MYH16: variants seen among roughly 807,000 people sequenced by gnomAD.
MYH16 encodes the protein myosin heavy chain 16.
chr7:99,309,615 A>G (rs1792731174), downstream of MYH16, among the ~76,000 whole-genome samples: 1 of 152,220 alleles, frequency 6.6e-6, no homozygotes, highest in Non-Finnish European at 1.5e-5. Context: ...GGAACTACTC[A>G]TGAGGCTTCC....
At chr7:99,305,188 C>T (rs543028364) in intron 40 of MYH16, among the ~76,000 whole-genome samples, 44 of 149,444 alleles carry the variant, frequency 2.9e-4, no homozygotes, top group Non-Finnish European at 5.8e-4. Context: ...GACCCTGTCT[C>T]AGAAAAAAAG....
chr7:99,261,103 A>G (rs1791933553), intron 12 of MYH16: 1 of 150,952 alleles, frequency 6.6e-6, no homozygotes, highest in Admixed American at 6.6e-5. Flanking sequence ...AAAAGCAGAG[A>G]GCACAGGTGG....
chr7:99,250,782 C>T (rs940802748), intron 5 of MYH16, among the ~76,000 whole-genome samples: 6 of 151,962 alleles, frequency 3.9e-5, no homozygotes, highest in African/African-American at 1.4e-4. Flanking sequence ...TTTCAGACTG[C>T]TCAGGGGGCT....
At chr7:99,256,923 C>T (rs1791879143) in intron 9 of MYH16, among the ~76,000 whole-genome samples, 1 of 152,014 alleles carries the variant, frequency 6.6e-6, no homozygotes, top group South Asian at 2.1e-4. Flanking sequence ...TGCACTCTAC[C>T]CTGGGCAAAA....
chr7:99,303,400 C>T (rs1792634075), intron 39 of MYH16, among the ~76,000 whole-genome samples: 1 of 152,260 alleles, frequency 6.6e-6, no homozygotes, highest in African/African-American at 2.4e-5. Context: ...GAATTACAAG[C>T]TCTAGGTGAT....
intron 19 of MYH16, among the ~76,000 whole-genome samples, chr7:99,272,311 A>G (rs765683557): frequency 2.6e-5 from 4 of 152,156 alleles, no homozygotes; most frequent in African/African-American, 4.8e-5. Flanking sequence ...AGATGTGGAA[A>G]CTGAGGTCTG....
chr7:99,305,362 T>C (rs1015992773), intron 40 of MYH16, among the ~76,000 whole-genome samples: 3 of 152,128 alleles, frequency 2.0e-5, no homozygotes, highest in African/African-American at 7.2e-5. Flanking sequence ...CCCAATATTC[T>C]CCTTGCCTTT....
chr7:99,276,644 G>A (rs1410588654), intron 20 of MYH16, among the ~76,000 whole-genome samples: 1 of 152,260 alleles, frequency 6.6e-6, no homozygotes, highest in Non-Finnish European at 1.5e-5. Context: ...ATAGACACAG[G>A]TGCAGGGGCA....
downstream of MYH16, among the ~76,000 whole-genome samples, chr7:99,308,348 C>G (rs559321087): frequency 1.3e-5 from 2 of 150,726 alleles, no homozygotes; most frequent in East Asian, 2.0e-4. Context: ...CAGGCTTGAT[C>G]CCCGGGGAGT....
At chr7:99,258,980 C>T (rs1010651927) in intron 11 of MYH16, among the ~76,000 whole-genome samples, 4 of 152,100 alleles carry the variant, frequency 2.6e-5, no homozygotes, top group Non-Finnish European at 4.4e-5. Context: ...AAAGGGGAAG[C>T]GGGCACATCT....
intron 38 of MYH16, among the ~76,000 whole-genome samples, chr7:99,302,600 G>A (rs1036601058): frequency 6.6e-6 from 1 of 151,926 alleles, no homozygotes. Flanking sequence ...TATAATCCTG[G>A]CCAGGCACAG....
chr7:99,285,496 C>T (rs2150823658), intron 27 of MYH16, 58 bp downstream of exon 9: 1 of 455,632 alleles, frequency 2.2e-6, no homozygotes, highest in South Asian at 1.6e-5. Flanking sequence ...GTCACACATC[C>T]AACCATGAAT....
At chr7:99,251,611 A>T (rs1563102941) in intron 6 of MYH16, among the ~76,000 whole-genome samples, 2 of 152,166 alleles carry the variant, frequency 1.3e-5, no homozygotes, top group African/African-American at 4.8e-5. Flanking sequence ...CCCCTCAGAA[A>T]TTGGTTTTCT....
At chr7:99,290,312 C>T (rs1792350276) in intron 30 of MYH16, among the ~76,000 whole-genome samples, 1 of 148,186 alleles carries the variant, frequency 6.7e-6, no homozygotes, top group Admixed American at 6.7e-5. Context: ...AGCAAGACCC[C>T]CATCTCTACA....
chr7:99,292,503 G>T, exon 32 of MYH16: 1 of 465,708 alleles, frequency 2.1e-6, no homozygotes, highest in South Asian at 1.5e-5. Context: ...AGCTGGAGGA[G>T]ACCAAGTGAG....
chr7:99,304,404 G>A (rs1383107903), intron 39 of MYH16, among the ~76,000 whole-genome samples, 182 bp from the exon 21 acceptor site: 1 of 152,140 alleles, frequency 6.6e-6, no homozygotes, highest in Non-Finnish European at 1.5e-5. Flanking sequence ...CTCCCCTCTC[G>A]GGGGCAAAGG....
rs1330507292 is a variant in MYH16 at position 99,279,497 on chromosome 7, T to C, written n.2660-13T>C. The stretch of plus-strand genomic sequence containing the variant: ...TGGACCCTGTCCTCGACCGGGGCTC[T>C]TTCTCCCAACAGGAGCAAGAGAACC... On this transcript the variant is annotated splice_polypyrimidine_tract_variant and intron_variant and non_coding_transcript_variant, in intron 21 of 41. Transcript: ENST00000439784. The C allele has an allele frequency of 2.2e-6, 1 of 456,402 alleles. No individual in the cohort carries two copies. Among genetic ancestry groups the C allele is most frequent in the South Asian group, 1.5e-5 (1 of 64,544 alleles). The allele number at this position is 456,402 out of a possible 1,614,324, so 28.3% of individuals were successfully genotyped here.
chr7:99,284,822 G>A (rs949206181), intron 25 of MYH16, 23 bp from the exon 8 acceptor site: 3 of 456,404 alleles, frequency 6.6e-6, no homozygotes, highest in African/African-American at 6.0e-5. Flanking sequence ...CCTTTCCTCA[G>A]GAGACCAACC....
chr7:99,310,323 C>T (rs1367844204), downstream of MYH16, among the ~76,000 whole-genome samples: 7 of 152,174 alleles, frequency 4.6e-5, no homozygotes, highest in Non-Finnish European at 7.3e-5. Flanking sequence ...ATTCCATAAA[C>T]TCCATAAGGA....
Sources: allele counts gnomAD v4.1 joint callset (sites outside exome capture counted in the v4.1 genomes callset), GRCh38; gene constraint gnomAD v4.1.1; transcripts MANE v1.5; gene names NCBI Gene and HGNC (gene_info 2026-07-23, HGNC 2026-07-21).